UROC1: variants seen among roughly 807,000 people sequenced by gnomAD.
UROC1 encodes urocanate hydratase.
UROC1 carries 79 observed loss-of-function variants against 89.5 expected under a neutral mutation model. The observed-to-expected ratio is 0.88, with a 90% CI of 0.74 to 1.06. The LOEUF is 1.06. Ranked by LOEUF, UROC1 falls within the 50% of genes least tolerant of loss-of-function variation. The pLI, the probability that UROC1 is intolerant of heterozygous loss-of-function variation, is 0.00. For synonymous variants in UROC1, 361 were observed against 354.8 expected (o/e 1.02, Z -0.20); for missense variants, 885 against 907.8 (o/e 0.97, Z 0.32).
intron 18 of UROC1, among the ~76,000 whole-genome samples, chr3:126,486,326 G>GATCAGAA (rs547828207): frequency 1.6e-4 from 25 of 152,232 alleles, no homozygotes; most frequent in Non-Finnish European, 3.4e-4. Context: ...AGGGAAAGGA[G>GATCAGAA]ATCAGAAAAG....
At chr3:126,485,802 C>T (rs941468670) in intron 18 of UROC1, among the ~76,000 whole-genome samples, 2 of 151,892 alleles carry the variant, frequency 1.3e-5, no homozygotes, top group Non-Finnish European at 2.9e-5. Flanking sequence ...TGTGCACATT[C>T]AAGTTTCAGA....
chr3:126,505,712 C>A lies in UROC1; in HGVS notation c.802G>T (p.Val268Leu), dbSNP rs752343192. Residue 268 changes from valine (V) to leucine (L), a missense_variant, in exon 8 of 20, where the codon GTG becomes TTG. Transcript: ENST00000290868. The stretch of plus-strand genomic sequence containing the variant: ...GCCCCCCAGCTTACCTCTGCTATCA[C>A]ACCGATGCACCCCACGATGACTGCG... Reference protein sequence around the residue: ...KAAVIVGCIGVIAEVDKAALE... With the variant: ...KAAVIVGCIGLIAEVDKAALE... The A allele has an allele frequency of 6.2e-7, 1 of 1,613,758 alleles. No individual in the cohort carries two copies. The highest frequency in any genetic ancestry group is 8.5e-7 in the Non-Finnish European group (1 of 1,179,986).
Position 126,482,077 on chromosome 3 carries a change from G to A in UROC1, c.*268C>T. On this transcript the variant is annotated 3_prime_UTR_variant, in exon 20 of 20. Transcript: ENST00000290868. ...ACCGCAGGGCCCCCGGGCAGGCTTG[G>A]GACTTGGCCCTAAATGGACTTTGAC... 1 of 537,594 alleles carries A rather than the reference G, an allele frequency of 1.9e-6. No individual in the cohort carries two copies. Among genetic ancestry groups the A allele is most frequent in the Non-Finnish European group, 3.3e-6 (1 of 299,686 alleles). 33.3% of individuals were successfully genotyped at this position (537,594 alleles called of 1,614,324 possible).
chr3:126,482,604 GCTGC>G, intron 19 of UROC1, 119 bp from the exon 20 acceptor site: 1 of 1,485,410 alleles, frequency 6.7e-7, no homozygotes, highest in Non-Finnish European at 9.3e-7. Flanking sequence ...CGTGGGGACA[GCTGC>G]CCTTTTGTGT....
chr3:126,506,132 TCTC>T (rs1936054999), intron 6 of UROC1, 121 bp from the exon 7 acceptor site: 3 of 1,060,480 alleles, frequency 2.8e-6, no homozygotes, highest in East Asian at 4.9e-5. Context: ...ATTAATATAT[TCTC>T]CTTCACATAA....
chr3:126,502,482 C>T (rs1373599971), intron 9 of UROC1, among the ~76,000 whole-genome samples: 2 of 145,740 alleles, frequency 1.4e-5, no homozygotes, highest in Non-Finnish European at 3.0e-5. Flanking sequence ...TGTGTGCATA[C>T]GTATTGTGTT....
chr3:126,497,459 C>T (rs2107540518), intron 14 of UROC1, among the ~76,000 whole-genome samples: 1 of 152,346 alleles, frequency 6.6e-6, no homozygotes, highest in Non-Finnish European at 1.5e-5. Context: ...ATCAGCAAAA[C>T]CCAGGATGAA....
intron 1 of UROC1, among the ~76,000 whole-genome samples, chr3:126,512,419 A>G (rs1237610212): frequency 6.6e-6 from 1 of 152,236 alleles, no homozygotes; most frequent in African/African-American, 2.4e-5. Context: ...GGATTTTTAT[A>G]TGTTTATGCT....
At chr3:126,504,579 T>C (rs752867385) in intron 8 of UROC1, among the ~76,000 whole-genome samples, 1 of 152,202 alleles carries the variant, frequency 6.6e-6, no homozygotes, top group African/African-American at 2.4e-5. Context: ...ATTAACATCA[T>C]TGAGCTGCCA....
intron 18 of UROC1, among the ~76,000 whole-genome samples, chr3:126,487,969 T>C (rs530598857): frequency 6.6e-6 from 1 of 152,268 alleles, no homozygotes; most frequent in Admixed American, 6.5e-5. Flanking sequence ...CTGAGACCCA[T>C]GTGGCAGGGG....
intron 1 of UROC1, among the ~76,000 whole-genome samples, chr3:126,514,781 A>G (rs984417175): frequency 6.6e-6 from 1 of 151,870 alleles, no homozygotes; most frequent in Non-Finnish European, 1.5e-5. Flanking sequence ...ATTTCCTCCT[A>G]CTTTATTTCA....
chr3:126,504,108 C>G, intron 8 of UROC1, 25 bp from the exon 9 acceptor site: 1 of 1,610,502 alleles, frequency 6.2e-7, no homozygotes, highest in Non-Finnish European at 8.5e-7. Context: ...CATGGGGCCA[C>G]GAGACATGGG....
Position 126,507,749 on chromosome 3 carries a change from C to G in UROC1, c.595G>C (p.Val199Leu). 6.2e-7 allele frequency: 1 copy of G among 1,614,116 alleles called. No individual in the cohort carries two copies. Among genetic ancestry groups the G allele is most frequent in the Non-Finnish European group, 8.5e-7 (1 of 1,180,018 alleles). ...TEYEKLFALG[V>L]TMYGQMTAGS... ...ACTGAAATAGTGACTTACATTGTAA[C>G]CCCCAAGGCAAAGAGCTTCTCATAC... Residue 199 changes from valine to leucine, a missense_variant, in exon 6 of 20, where the codon GTT (valine) becomes CTT (leucine). Coordinates refer to ENST00000290868, the MANE Select transcript of UROC1 (RefSeq NM_144639.3).
chr3:126,509,747 C>A, intron 2 of UROC1, 69 bp from the exon 3 acceptor site: 2 of 1,416,874 alleles, frequency 1.4e-6, no homozygotes, highest in Non-Finnish European at 1.9e-6. Context: ...TGGCCCCGCC[C>A]AGCCCCTGGC....
At chr3:126,498,585 G>C (rs776073270) in intron 13 of UROC1, among the ~76,000 whole-genome samples, 8 of 151,824 alleles carry the variant, frequency 5.3e-5, no homozygotes, top group Admixed American at 3.3e-4. Context: ...GGCTGTCCTG[G>C]GGGGAGGATG....
intron 14 of UROC1, 86 bp from the exon 15 acceptor site, chr3:126,496,194 C>G: frequency 1.5e-6 from 2 of 1,358,030 alleles, no homozygotes; most frequent in Non-Finnish European, 1.0e-6. Flanking sequence ...AGCACAGACC[C>G]TGCCCCGAGC....
In UROC1 at chr3:126,517,743, G is replaced by A. The variant is rs2107555702; in HGVS notation, c.-24C>T. 2 of 1,557,904 alleles carry A rather than the reference G, an allele frequency of 1.3e-6. No individual in the cohort carries two copies. Among genetic ancestry groups the A allele is most frequent in the South Asian group, 1.2e-5 (1 of 84,968 alleles). On this transcript the variant is annotated 5_prime_UTR_variant, in exon 1 of 20. Transcript: ENST00000290868. The stretch of plus-strand genomic sequence containing the variant: ...ATGTGTGACTGAGATGGAGGCAGAG[G>A]CCAGCACTGTGGGGAGGCCAGGAAG...
chr3:126,489,086 G>A (rs1040956120), intron 17 of UROC1, among the ~76,000 whole-genome samples, 190 bp downstream of exon 17: 2 of 152,158 alleles, frequency 1.3e-5, no homozygotes, highest in East Asian at 1.9e-4. Context: ...GGCCCGGTGT[G>A]CCTGGCACTT....
intron 4 of UROC1, 66 bp downstream of exon 4, chr3:126,508,350 C>G: frequency 6.5e-7 from 1 of 1,539,860 alleles, no homozygotes; most frequent in South Asian, 1.1e-5. Context: ...TTGTAAGCTC[C>G]TAGGCCAGAG....
Sources: gnomAD v4.1 joint callset for allele counts (sites outside exome capture counted in the v4.1 genomes callset) on GRCh38, gnomAD v4.1.1 for gene constraint, MANE v1.5 for transcripts, NCBI Gene and HGNC (gene_info 2026-07-23, HGNC 2026-07-21) for gene names.